Variants in DTWD2 observed in about 807,000 individuals in gnomAD.
DTWD2 encodes tRNA-uridine aminocarboxypropyltransferase 2.
In DTWD2, 39 loss-of-function variants were observed where a neutral mutation model predicts 31.8. The observed-to-expected ratio is 1.22, with a 90% CI of 0.95 to 1.60. The LOEUF (loss-of-function observed/expected upper bound fraction) is 1.60, where lower values mean the gene tolerates loss of function less well. Ranked by LOEUF, DTWD2 falls within the 40% of genes most tolerant of loss-of-function variation. The probability of loss-of-function intolerance (pLI) is 0.00; values close to 1 mark genes in which losing one functional copy is unlikely to be tolerated. For missense variants in DTWD2, 515 were observed against 381.5 expected (o/e 1.35, Z -2.92); for synonymous variants, 180 against 142.8 (o/e 1.26, Z -1.86).
intron 4 of DTWD2, among the ~76,000 whole-genome samples, chr5:118,858,723 G>A (rs533192469): frequency 2.0e-5 from 3 of 152,066 alleles, no homozygotes; most frequent in South Asian, 2.1e-4. Flanking sequence ...ACAAGCATAG[G>A]TGATTACTAT....
At chr5:118,934,538 C>T (rs1753995799) in intron 3 of DTWD2, among the ~76,000 whole-genome samples, 1 of 151,736 alleles carries the variant, frequency 6.6e-6, no homozygotes, top group Non-Finnish European at 1.5e-5. Context: ...AGTAAGAATA[C>T]ATAGTATAAT....
chr5:118,926,963 G>A (rs1425849183), intron 4 of DTWD2, among the ~76,000 whole-genome samples: 2 of 152,228 alleles, frequency 1.3e-5, no homozygotes, highest in Non-Finnish European at 2.9e-5. Flanking sequence ...AAGCTGGGAA[G>A]TCTGAATCAG....
chr5:118,965,652 C>T (rs1754827606), intron 1 of DTWD2, among the ~76,000 whole-genome samples: 1 of 152,164 alleles, frequency 6.6e-6, no homozygotes, highest in Non-Finnish European at 1.5e-5. Flanking sequence ...ACCCGGTGCT[C>T]TCTGAAACAT....
At chr5:118,940,897 C>T (rs771314286) in intron 2 of DTWD2, among the ~76,000 whole-genome samples, 61 of 152,298 alleles carry the variant, frequency 4.0e-4, no homozygotes, top group Non-Finnish European at 7.8e-4. Flanking sequence ...TGCATCTTCA[C>T]GACTAAATAC....
At chr5:118,864,753 G>A (rs1334603165) in intron 4 of DTWD2, among the ~76,000 whole-genome samples, 1 of 151,534 alleles carries the variant, frequency 6.6e-6, no homozygotes, top group African/African-American at 2.4e-5. Flanking sequence ...AAATATCAAA[G>A]TAGATAAAGC....
At chr5:118,841,534 G>A (rs1751713626) in intron 5 of DTWD2, among the ~76,000 whole-genome samples, 1 of 152,112 alleles carries the variant, frequency 6.6e-6, no homozygotes, top group South Asian at 2.1e-4. Context: ...GGCAGCAATG[G>A]GTAAACGGTT....
intron 4 of DTWD2, among the ~76,000 whole-genome samples, chr5:118,865,501 C>T (rs537019018): frequency 7.3e-5 from 11 of 151,602 alleles, no homozygotes; most frequent in Non-Finnish European, 1.3e-4. Context: ...GAAAAGTGAG[C>T]GAAAATAAAG....
chr5:118,940,737 G>C (rs1479595456), intron 2 of DTWD2, among the ~76,000 whole-genome samples: 2 of 152,152 alleles, frequency 1.3e-5, no homozygotes, highest in Non-Finnish European at 2.9e-5. Flanking sequence ...CAAAGTTTCA[G>C]AGTTTATAGA....
At chr5:118,887,983 C>T (rs1331286461) in intron 4 of DTWD2, among the ~76,000 whole-genome samples, 5 of 152,134 alleles carry the variant, frequency 3.3e-5, no homozygotes, top group African/African-American at 4.8e-5. Context: ...CTGGACAATA[C>T]CATCTGCAAC....
At position 118,844,846 on chromosome 5, in the gene DTWD2, C is replaced by T. The variant is rs559998957; in HGVS notation, c.726+3244G>A. 1.4e-4 allele frequency among the ~76,000 whole-genome samples: 21 copies of T among 152,270 alleles called. No individual in the cohort carries two copies. The South Asian group carries it at 4.1e-3, about 30-fold the overall frequency. Reference sequence around the variant, plus strand: ...GAATGAAGCCAAGTGAAAATTTACTCTTCTCTGGCAGGCACAGTAGCTCAG... The same window carrying T: ...GAATGAAGCCAAGTGAAAATTTACTTTTCTCTGGCAGGCACAGTAGCTCAG... On this transcript the variant is annotated intron_variant, in intron 5 of 5. Transcript: ENST00000510708.
intron 3 of DTWD2, among the ~76,000 whole-genome samples, chr5:118,936,813 A>T (rs911817370): frequency 5.9e-5 from 9 of 152,122 alleles, no homozygotes; most frequent in Non-Finnish European, 1.2e-4. Flanking sequence ...ACACAAAGCC[A>T]AATCTTGATT....
intron 4 of DTWD2, among the ~76,000 whole-genome samples, chr5:118,893,238 T>C (rs1470396342): frequency 1.3e-5 from 2 of 151,398 alleles, no homozygotes; most frequent in Non-Finnish European, 2.9e-5. Context: ...AGTATGCTCC[T>C]GTGGTCCAAC....
At chr5:118,936,080 G>A (rs1754038973) in intron 3 of DTWD2, among the ~76,000 whole-genome samples, 1 of 152,088 alleles carries the variant, frequency 6.6e-6, no homozygotes. Context: ...ACATAATCAT[G>A]ATACATCTAA....
intron 1 of DTWD2, among the ~76,000 whole-genome samples, chr5:118,986,472 G>C (rs758327825): frequency 4.6e-5 from 7 of 152,252 alleles, no homozygotes; most frequent in East Asian, 1.9e-4. Flanking sequence ...ACTCCCCTAG[G>C]CTGTGACATT....
intron 3 of DTWD2, among the ~76,000 whole-genome samples, chr5:118,933,372 C>CTATA (rs1753968126): frequency 6.6e-6 from 1 of 152,128 alleles, no homozygotes; most frequent in Non-Finnish European, 1.5e-5. Context: ...GAAAGGAAAA[C>CTATA]TATAGATCAA....
At chr5:118,918,891 G>A (rs1034078100) in intron 4 of DTWD2, among the ~76,000 whole-genome samples, 4 of 151,354 alleles carry the variant, frequency 2.6e-5, no homozygotes, top group African/African-American at 9.7e-5. Context: ...TGCTACTGCT[G>A]CTACTCTCAT....
At chr5:118,933,630 T>C (rs1753973094) in intron 3 of DTWD2, among the ~76,000 whole-genome samples, 1 of 152,020 alleles carries the variant, frequency 6.6e-6, no homozygotes, top group Non-Finnish European at 1.5e-5. Flanking sequence ...CTCCACAAAC[T>C]AGGAATAGGG....
chr5:118,942,636 C>T (rs1413107379), intron 2 of DTWD2, among the ~76,000 whole-genome samples: 1 of 151,670 alleles, frequency 6.6e-6, no homozygotes, highest in Non-Finnish European at 1.5e-5. Flanking sequence ...ATAGTGAGAC[C>T]CTATCTCTAC....
At chr5:118,887,694 C>T (rs1330894289) in intron 4 of DTWD2, among the ~76,000 whole-genome samples, 2 of 152,326 alleles carry the variant, frequency 1.3e-5, no homozygotes, top group East Asian at 3.9e-4. Flanking sequence ...TCATGGCTCA[C>T]CGCAGCCTCA....
Sources: allele counts gnomAD v4.1 joint callset (sites outside exome capture counted in the v4.1 genomes callset), GRCh38; gene constraint gnomAD v4.1.1; transcripts MANE v1.5; gene names NCBI Gene and HGNC (gene_info 2026-07-23, HGNC 2026-07-21).